Variants in SSC5D observed in about 807,000 individuals in gnomAD.
SSC5D encodes scavenger receptor cysteine rich family member with 5 domains, also known as soluble scavenger receptor cysteine-rich domain-containing protein SSC5D.
Under a neutral mutation model 104.6 loss-of-function variants are expected in SSC5D, and 106 were observed. The ratio of observed to expected loss-of-function variants is 1.01; its 90% confidence interval spans 0.87 to 1.19. The LOEUF is 1.19. Among genes scored for constraint, SSC5D ranks in the 50% most tolerant of loss-of-function variants. The pLI is 0.00. For synonymous variants in SSC5D, 860 were observed against 883.5 expected (o/e 0.97, Z 0.47); for missense variants, 1,993 against 2,153.8 (o/e 0.93, Z 1.48).
chr19:55,491,128 G>C, intron 6 of SSC5D, 48 bp downstream of exon 6: 1 of 1,510,400 alleles, frequency 6.6e-7, no homozygotes, highest in Admixed American at 2.2e-5. Flanking sequence ...TCAGACCCCA[G>C]CTCCCTCTTG....
chr19:55,498,136 T>G lies in SSC5D; in HGVS notation c.1644T>G (p.Pro548=). 6.4e-7 allele frequency: 1 copy of G among 1,551,764 alleles called. No individual in the cohort carries two copies. The highest frequency in any genetic ancestry group is 8.7e-7 in the Non-Finnish European group (1 of 1,147,004). ...CCGAGGCTTCACTGTCCGACTGCCC[T>G]GCTGCTCCCTGGGGAAAGCACAACT... is the stretch of plus-strand genomic sequence containing the variant. ...VGTEASLSDC[P]AAPWGKHNCA... The change falls in exon 9 of 14, where the codon CCT becomes CCG. Residue 548 remains proline (P), a synonymous_variant. Transcript: ENST00000389623.
In SSC5D at chr19:55,493,758, C is replaced by T. The variant is rs1182256280; in HGVS notation, c.1059C>T (p.Ala353=). Residue 353 remains alanine, a synonymous_variant, in exon 7 of 14, where the codon GCC becomes GCT. Coordinates refer to ENST00000389623, the MANE Select transcript of SSC5D (RefSeq NM_001144950.2). ...TGGGCTGCGGAGGGGCGCTGGCCGC[C>T]CCCGGGGGCGCCTTCTTTGGGGAGG... is the stretch of plus-strand genomic sequence containing the variant. ...RELGCGGALA[A]PGGAFFGEGS... 1.3e-6 allele frequency: 2 copies of T among 1,528,282 alleles called. No homozygotes were observed. Among genetic ancestry groups the T allele is most frequent in the Admixed American group, 2.1e-5 (1 of 46,822 alleles). The allele number at this position is 1,528,282 out of a possible 1,614,324, so 94.7% of individuals were successfully genotyped here. A position where few individuals can be genotyped will look rare whatever the true frequency, so the allele number is the denominator to read the frequency against.
intron 4 of SSC5D, 113 bp downstream of exon 4, chr19:55,490,108 C>CT (rs1555763934): frequency 3.0e-6 from 2 of 659,014 alleles, no homozygotes; most frequent in Non-Finnish European, 2.6e-6. Flanking sequence ...CTGCCCCCAC[C>CT]GAGGGGAGAG....
chr19:55,490,924 G>A lies in SSC5D; in HGVS notation c.739G>A (p.Ala247Thr). The part of the protein sequence containing the change: ...RELGCGGALA[A>T]PGGARFGPGA... ...ACTGGGCTGTGGGGGGGCGCTGGCT[G>A]CCCCCGGCGGTGCCAGATTCGGGCC... The change falls in exon 6 of 14, where the codon GCC (alanine) becomes ACC (threonine). Residue 247 changes from alanine to threonine, a missense_variant. This residue lies in a region of SSC5D where 1,101 missense variants were observed against 1,085.0 expected (regional missense o/e 1.01). Coordinates refer to ENST00000389623, the MANE Select transcript of SSC5D (RefSeq NM_001144950.2). The A allele has an allele frequency of 6.5e-7, 1 of 1,544,000 alleles. No individual in the cohort carries two copies. Among genetic ancestry groups the A allele is most frequent in the Non-Finnish European group, 8.7e-7 (1 of 1,143,434 alleles).
Position 55,517,332 on chromosome 19 carries a change from G to A in SSC5D, c.3056G>A (p.Gly1019Asp). ...CCCTCCGCCTCTCCGGGACCCCCAG[G>A]CCCAGCGCTGACCTCTGACTCCAGT... ...PGPSASPGPP[G>D]PALTSDSSRE... The change falls in exon 14 of 14, where the codon GGC (glycine) becomes GAC (aspartate). Residue 1019 changes from glycine to aspartate, a missense_variant. Physicochemically the swap from Gly to Asp is moderately conservative, Grantham distance 94. Coordinates refer to ENST00000389623, the MANE Select transcript of SSC5D (RefSeq NM_001144950.2). 1 of 1,550,014 alleles carries A rather than the reference G, an allele frequency of 6.5e-7. No homozygotes were observed. Among genetic ancestry groups the A allele is most frequent in the Non-Finnish European group, 8.7e-7 (1 of 1,146,892 alleles).
intron 4 of SSC5D, 31 bp downstream of exon 4, chr19:55,490,026 C>T (rs1260162139): frequency 2.0e-6 from 3 of 1,496,826 alleles, no homozygotes; most frequent in Admixed American, 4.0e-5. Flanking sequence ...TGCCAACCCC[C>T]ACCCAGCGTG....
chr19:55,495,033 G>A (rs1239777976), intron 8 of SSC5D, among the ~76,000 whole-genome samples: 1 of 151,438 alleles, frequency 6.6e-6, no homozygotes, highest in Admixed American at 6.6e-5. Flanking sequence ...GCCAGTCCTG[G>A]ATAAGAGAAA....
At chr19:55,509,463 C>T (rs1987705554) in intron 12 of SSC5D, among the ~76,000 whole-genome samples, 1 of 152,104 alleles carries the variant, frequency 6.6e-6, no homozygotes, top group Admixed American at 6.5e-5. Context: ...ACCGAAATGC[C>T]CATCAACAGG....
In SSC5D at chr19:55,490,419, T is replaced by G; in HGVS notation, c.586+11T>G. The G allele has an allele frequency of 1.0e-6, 1 of 964,024 alleles. No individual in the cohort carries two copies. The highest frequency in any genetic ancestry group is 1.5e-6 in the Non-Finnish European group (1 of 661,622). The allele number at this position is 964,024 out of a possible 1,614,324, so 59.7% of individuals were successfully genotyped here. On this transcript the variant is annotated intron_variant, in intron 5 of 13. Transcript: ENST00000389623. ...GAGCCCCCCGCCAAGGTAAGCTCCC[T>G]GCAGGCTCCCCCGACCCCAAGGCTG...
At chr19:55,515,396 CAAA>C (rs71181781) in intron 13 of SSC5D, among the ~76,000 whole-genome samples, 3 of 86,578 alleles carry the variant, frequency 3.5e-5, no homozygotes, top group Admixed American at 1.5e-4. Context: ...AACTCCGTCT[CAAA>C]AAAAAAAAAA....
chr19:55,498,517 C>T (rs918110218), intron 9 of SSC5D, among the ~76,000 whole-genome samples: 1 of 152,194 alleles, frequency 6.6e-6, no homozygotes, highest in Non-Finnish European at 1.5e-5. Context: ...AGGAAATTTC[C>T]CACTAAGAAA....
chr19:55,489,825 A>C, intron 3 of SSC5D, 57 bp from the exon 4 acceptor site: 6 of 1,507,110 alleles, frequency 4.0e-6, no homozygotes, highest in Non-Finnish European at 5.4e-6. Flanking sequence ...CAGGGACCCA[A>C]ATGGCCTGGA....
Position 55,489,411 on chromosome 19 carries a change from A to T in SSC5D, c.110A>T (p.His37Leu). ...HGCAGRLEVW[H>L]GGRWGTVCDD... ...TGCGCTGGCCGCCTGGAGGTCTGGC[A>T]TGGCGGGCGCTGGGGCACCGTGTGT... The change falls in exon 3 of 14, where the codon CAT becomes CTT. Residue 37 changes from histidine (H) to leucine (L), a missense_variant. Physicochemically the swap from His to Leu is moderately conservative, Grantham distance 99 (BLOSUM62 -3). Around this residue, in one of 6 missense-constraint regions of SSC5D, gnomAD observed 1,101 missense variants for 1,085.0 expected, o/e 1.01. Transcript: ENST00000389623. The T allele has an allele frequency of 1.3e-6, 2 of 1,490,744 alleles. No individual in the cohort carries two copies. The highest frequency in any genetic ancestry group is 1.8e-6 in the Non-Finnish European group (2 of 1,127,220). The allele number at this position is 1,490,744 out of a possible 1,614,324, so 92.3% of individuals were successfully genotyped here. A position where few individuals can be genotyped will look rare whatever the true frequency, so the allele number is the denominator to read the frequency against.
At chr19:55,497,435 T>G (rs1294612398) in intron 8 of SSC5D, among the ~76,000 whole-genome samples, 1 of 152,196 alleles carries the variant, frequency 6.6e-6, no homozygotes, top group Non-Finnish European at 1.5e-5. Context: ...GAGGTGACAT[T>G]CATGTAACAT....
At chr19:55,514,634 A>C (rs1346346692) in intron 13 of SSC5D, among the ~76,000 whole-genome samples, 1 of 149,476 alleles carries the variant, frequency 6.7e-6, no homozygotes, top group Non-Finnish European at 1.5e-5. Context: ...AGAAGAAGGG[A>C]GGAAGGGAGA....
rs1987447002 is a variant in SSC5D, at chr19:55,500,252, A to C, written c.2142A>C (p.Ala714=). 1 of 1,551,068 alleles carries C rather than the reference A, an allele frequency of 6.4e-7. No individual in the cohort carries two copies. Among genetic ancestry groups the C allele is most frequent in the Non-Finnish European group, 8.7e-7 (1 of 1,146,900 alleles). Residue 714 remains alanine, a synonymous_variant, in exon 10 of 14, where the codon GCA becomes GCC. Coordinates refer to ENST00000389623, the MANE Select transcript of SSC5D (RefSeq NM_001144950.2). The surrounding 1 kb of genome is among the most constrained non-coding windows in gnomAD (Gnocchi z 4.6). ...GAGAACGGACCACTAAGACCATGGC[A>C]ATGCTGACCACTCAAGGCCCCCAAG... ...APRERTTKTM[A]MLTTQGPQEM...
At position 55,491,369 on chromosome 19, in the gene SSC5D, G is replaced by A. The variant is rs555461295; in HGVS notation, c.895+289G>A. On this transcript the variant is annotated intron_variant, in intron 6 of 13. Transcript: ENST00000389623. ...TAAGCCTCAGTTTTCCTGAAGGAGCGATGGAGCTAAGAATGCCTGCCTCAG... is the reference window on the plus strand; with the variant it reads ...TAAGCCTCAGTTTTCCTGAAGGAGCAATGGAGCTAAGAATGCCTGCCTCAG... The A allele has an allele frequency of 5.0e-5, 21 of 416,742 alleles. No homozygotes were observed. The South Asian group carries it at 5.9e-4, about 12-fold the overall frequency. 25.8% of individuals were successfully genotyped at this position (416,742 alleles called of 1,614,324 possible). A position where few individuals can be genotyped will look rare whatever the true frequency, so the allele number is the denominator to read the frequency against.
Position 55,499,900 on chromosome 19 carries a change from C to T in SSC5D, c.1790C>T (p.Pro597Leu), listed in dbSNP as rs150670641. The change falls in exon 10 of 14, where the codon CCG becomes CTG. Residue 597 changes from proline to leucine, a missense_variant. By Grantham distance (98) the Pro-to-Leu change is moderately conservative (BLOSUM62 -3). Coordinates refer to ENST00000389623, the MANE Select transcript of SSC5D (RefSeq NM_001144950.2). ...GGGAGAGATCGGGATGCCTGGCTCC[C>T]GGGAGAGCTGGCCACCAAGCCCTCT... is the stretch of plus-strand genomic sequence containing the variant. ...GLGRDRDAWLPGELATKPSAS... is the reference protein window; with the variant it reads ...GLGRDRDAWLLGELATKPSAS... The T allele has an allele frequency of 3.3e-5, 51 of 1,551,666 alleles. No homozygotes were observed. Among genetic ancestry groups the T allele is most frequent in the African/African-American group, 1.9e-4 (14 of 73,112 alleles).
chr19:55,489,058 G>GGGGGGGGGGC, intron 2 of SSC5D, 26 bp downstream of exon 2: 1 of 1,203,770 alleles, frequency 8.3e-7, no homozygotes, highest in Non-Finnish European at 1.1e-6. Context: ...CCTCCCATCT[G>GGGGGGGGGGC]CCCGCCCCCC....
Sources: allele counts gnomAD v4.1 joint callset (sites outside exome capture counted in the v4.1 genomes callset), GRCh38; gene constraint gnomAD v4.1.1; regional missense constraint gnomAD v4.1.1; non-coding constraint Gnocchi (gnomAD v3.1); transcripts MANE v1.5; gene names NCBI Gene and HGNC (gene_info 2026-07-23, HGNC 2026-07-21).